Variants in MAGIX observed in about 807,000 individuals in gnomAD.
MAGIX encodes the protein MAGI family member, X-linked, also known as PDZ domain-containing protein MAGIX.
A neutral mutation model predicts 10.0 loss-of-function variants in MAGIX; 13 were observed. The observed-to-expected ratio is 1.30, with a 90% confidence interval of 0.84 to 2.06. MAGIX has a LOEUF of 2.06. Ranked by LOEUF, MAGIX falls within the 30% of genes most tolerant of loss-of-function variation. MAGIX has a pLI of 0.00. For synonymous variants in MAGIX, 108 were observed against 106.8 expected (o/e 1.01, Z -0.07); for missense variants, 235 against 245.2 (o/e 0.96, Z 0.28).
At chrX:49,164,738 G>T (rs1557097142) in exon 3 of MAGIX, 2 of 1,211,902 alleles carry the variant, frequency 1.7e-6, no homozygotes, top group East Asian at 5.9e-5. Context: ...CGGACATAGA[G>T]GTCACAGACA....
At chrX:49,165,663 G>T (rs1308653635) in intron 4 of MAGIX, 1 of 328,869 alleles carries the variant, frequency 3.0e-6, no homozygotes, top group Non-Finnish European at 5.2e-6. Flanking sequence ...GGAAGGAAGG[G>T]TCTTAGTTCT....
At chrX:49,163,755 G>A in intron 1 of MAGIX, 28 bp from the exon 2 acceptor site, 1 of 1,025,501 alleles carries the variant, frequency 9.8e-7, no homozygotes, top group Non-Finnish European at 1.2e-6. Context: ...CCGAGGGTCG[G>A]CGTTGACCTG....
intron 4 of MAGIX, chrX:49,165,729 G>A (rs1199874500): frequency 1.2e-5 from 4 of 326,317 alleles, no homozygotes; most frequent in African/African-American, 2.7e-5. Flanking sequence ...GGGATCCAGA[G>A]GGTAGGGGGT....
At chrX:49,164,733 A>G (rs2065353635) in exon 3 of MAGIX, 2 of 1,211,851 alleles carry the variant, frequency 1.7e-6, no homozygotes, top group South Asian at 1.8e-5. Flanking sequence ...CTCTGCGGAC[A>G]TAGAGGTCAC....
exon 5 of MAGIX, chrX:49,166,584 C>A (rs2065369994): frequency 2.4e-6 from 1 of 421,726 alleles, no homozygotes; most frequent in South Asian, 4.4e-5. Flanking sequence ...GCCGGCTAGC[C>A]TGCGCTTCTG....
intron 1 of MAGIX, chrX:49,163,326 G>A (rs2065342067): frequency 7.6e-6 from 1 of 131,029 alleles, no homozygotes; most frequent in South Asian, 4.3e-4. Flanking sequence ...GGGCCATGGG[G>A]GGAACGGGCC....
At chrX:49,163,786 G>T (rs1453849635) in exon 2 of MAGIX, 22 of 1,047,379 alleles carry the variant, frequency 2.1e-5, no homozygotes, top group Non-Finnish European at 2.6e-5. Context: ...CGCGCAGGCC[G>T]CGGCCCCTCC....
rs2065368456 is a variant in MAGIX at position 49,166,374 on chromosome X, T to A, written c.803T>A (p.Met268Lys). ...GGGGCAGCGCAGCTCGCTCAGGAGATGGCAGCCGGAAGGCGGAGACACTGA... is the reference window on the plus strand; with the variant it reads ...GGGGCAGCGCAGCTCGCTCAGGAGAAGGCAGCCGGAAGGCGGAGACACTGA... The change falls in exon 5 of 5, where the codon ATG becomes AAG. Residue 268 changes from methionine (M) to lysine (K), a missense_variant. Physicochemically the swap from Met to Lys is moderately conservative, Grantham distance 95. Coordinates refer to ENST00000616266, the Ensembl canonical transcript of MAGIX. The A allele has an allele frequency of 3.5e-6, 4 of 1,143,649 alleles. No individual in the cohort carries two copies. Among genetic ancestry groups the A allele is most frequent in the Non-Finnish European group, 4.6e-6 (4 of 860,377 alleles). 94.2% of individuals were successfully genotyped at this position (1,143,649 alleles called of 1,213,427 possible). A position where few individuals can be genotyped will look rare whatever the true frequency, so the allele number is the denominator to read the frequency against.
exon 5 of MAGIX, chrX:49,167,898 G>A (rs2065377293): frequency 8.9e-6 from 1 of 112,056 alleles, no homozygotes; most frequent in Non-Finnish European, 1.9e-5. Context: ...TCAACTATCC[G>A]AATATGTCCA....
exon 3 of MAGIX, chrX:49,164,738 G>A: frequency 8.3e-7 from 1 of 1,211,902 alleles, no homozygotes; most frequent in Non-Finnish European, 1.1e-6. Context: ...CGGACATAGA[G>A]GTCACAGACA....
At chrX:49,167,200 C>T (rs1463495042) in exon 5 of MAGIX, 1 of 114,217 alleles carries the variant, frequency 8.8e-6, no homozygotes, top group Non-Finnish European at 1.9e-5. Context: ...CTGTTAGAAC[C>T]TTTGGGCCGT....
exon 5 of MAGIX, chrX:49,167,632 A>C (rs2147865162): frequency 8.9e-6 from 1 of 112,134 alleles, no homozygotes; most frequent in East Asian, 2.8e-4. Context: ...TGAAGAGGTG[A>C]ACACTTGAGT....
At chrX:49,165,355 G>A in exon 4 of MAGIX, 1 of 1,159,730 alleles carries the variant, frequency 8.6e-7, no homozygotes, top group Non-Finnish European at 1.2e-6. Flanking sequence ...GCCCCGAAAA[G>A]GAGTTGGTGG....
exon 4 of MAGIX, chrX:49,165,319 C>G (rs1557097608): frequency 8.5e-7 from 1 of 1,181,183 alleles, no homozygotes; most frequent in South Asian, 1.9e-5. Flanking sequence ...GGAGACCCAC[C>G]CTGGCAAGCC....
At chrX:49,164,594 G>A (rs1557097093) in intron 2 of MAGIX, 113 bp from the exon 3 acceptor site, 1 of 650,804 alleles carries the variant, frequency 1.5e-6, no homozygotes, top group Non-Finnish European at 2.5e-6. Flanking sequence ...TTGTATATGA[G>A]CTGCAGGGGC....
At chrX:49,166,254 G>T in exon 5 of MAGIX, 1 of 1,199,986 alleles carries the variant, frequency 8.3e-7, no homozygotes, top group East Asian at 3.0e-5. Context: ...CCTCCTGAGC[G>T]CCGCGCTGAG....
exon 3 of MAGIX, chrX:49,164,887 G>A: frequency 8.3e-6 from 10 of 1,211,892 alleles, no homozygotes; most frequent in Non-Finnish European, 1.0e-5. Flanking sequence ...GACATGTAAC[G>A]CACCTCCCCA....
At chrX:49,167,105 C>T (rs1190377121) in exon 5 of MAGIX, 1 of 113,913 alleles carries the variant, frequency 8.8e-6, no homozygotes, top group African/African-American at 3.2e-5. Context: ...ACTCTCCGGG[C>T]ACCGGCTGGG....
At chrX:49,166,419 G>A (rs1557098202) in exon 5 of MAGIX, 21 of 1,089,406 alleles carry the variant, frequency 1.9e-5, no homozygotes, top group African/African-American at 3.7e-5. Flanking sequence ...TGACAGCGCG[G>A]GGCTCACTAG....
Sources: allele counts gnomAD v4.1 joint callset, GRCh38; gene constraint gnomAD v4.1.1; transcripts MANE v1.5; gene names NCBI Gene and HGNC (gene_info 2026-07-23, HGNC 2026-07-21).